SLC10A7: variants seen among roughly 807,000 people sequenced by gnomAD.
SLC10A7 encodes sodium/bile acid cotransporter 7.
In SLC10A7, 29 loss-of-function variants were observed where a neutral mutation model predicts 43.2. That is an observed-to-expected ratio of 0.67 (90% CI 0.50 to 0.92). The LOEUF is 0.92. SLC10A7 is among the 40% of genes least tolerant of loss of function. SLC10A7 has a pLI of 0.00. For synonymous variants in SLC10A7, 152 were observed against 144.8 expected (o/e 1.05, Z -0.35); for missense variants, 295 against 403.2 (o/e 0.73, Z 2.30).
intron 4 of SLC10A7, among the ~76,000 whole-genome samples, chr4:146,494,027 T>G (rs1735681633): frequency 6.6e-6 from 1 of 152,190 alleles, no homozygotes; most frequent in South Asian, 2.1e-4. Flanking sequence ...ACAGCAATAA[T>G]ATTGACTCAG....
chr4:146,263,007 C>T (rs961807881), intron 10 of SLC10A7, among the ~76,000 whole-genome samples: 7 of 152,354 alleles, frequency 4.6e-5, no homozygotes, highest in Non-Finnish European at 8.8e-5. Flanking sequence ...TTGACCTGGG[C>T]GCTCCAGCCA....
intron 7 of SLC10A7, among the ~76,000 whole-genome samples, chr4:146,305,411 T>C (rs1731487433): frequency 8.1e-6 from 1 of 122,756 alleles, no homozygotes; most frequent in South Asian, 2.7e-4. Flanking sequence ...AACATCACAC[T>C]CTGGGGACTG....
chr4:146,358,225 A>G (rs1365045467), intron 5 of SLC10A7, among the ~76,000 whole-genome samples: 1 of 152,156 alleles, frequency 6.6e-6, no homozygotes, highest in Non-Finnish European at 1.5e-5. Context: ...AAATAGTGCT[A>G]CAAGAATGGG....
At chr4:146,354,659 C>T (rs1428521910) in intron 5 of SLC10A7, among the ~76,000 whole-genome samples, 1 of 151,250 alleles carries the variant, frequency 6.6e-6, no homozygotes, top group Admixed American at 6.6e-5. Context: ...CTACAGTAAC[C>T]AAAACAGCAT....
chr4:146,442,932 C>T, intron 4 of SLC10A7, 111 bp from the exon 5 acceptor site: 1 of 779,088 alleles, frequency 1.3e-6, no homozygotes, highest in Non-Finnish European at 2.0e-6. Context: ...AAAACATTGA[C>T]TCTATAAAGC....
At chr4:146,426,876 A>G (rs1302283286) in intron 5 of SLC10A7, among the ~76,000 whole-genome samples, 1 of 152,254 alleles carries the variant, frequency 6.6e-6, no homozygotes, top group Non-Finnish European at 1.5e-5. Flanking sequence ...CTCCGTCTCA[A>G]AAAACAAACA....
At chr4:146,517,756 A>T (rs1418129116) in intron 1 of SLC10A7, among the ~76,000 whole-genome samples, 2 of 152,152 alleles carry the variant, frequency 1.3e-5, no homozygotes, top group Non-Finnish European at 2.9e-5. Context: ...TTATATAACA[A>T]TCAAAATACC....
chr4:146,447,738 T>C (rs1731230953), intron 4 of SLC10A7, among the ~76,000 whole-genome samples: 1 of 152,056 alleles, frequency 6.6e-6, no homozygotes, highest in Non-Finnish European at 1.5e-5. Flanking sequence ...TATTACACAT[T>C]TGTAGATAAT....
intron 6 of SLC10A7, among the ~76,000 whole-genome samples, chr4:146,321,584 C>G (rs1732711155): frequency 6.6e-6 from 1 of 152,072 alleles, no homozygotes; most frequent in Non-Finnish European, 1.5e-5. Context: ...AAACAGTACA[C>G]CTTTTATGGA....
intron 10 of SLC10A7, among the ~76,000 whole-genome samples, chr4:146,276,770 C>T (rs981149004): frequency 1.3e-5 from 2 of 151,804 alleles, no homozygotes; most frequent in African/African-American, 4.8e-5. Flanking sequence ...GGCAACATAA[C>T]GAAGCCCCCG....
chr4:146,270,242 C>G (rs1728811230), intron 10 of SLC10A7, among the ~76,000 whole-genome samples: 1 of 152,116 alleles, frequency 6.6e-6, no homozygotes, highest in Non-Finnish European at 1.5e-5. Context: ...GACTTCTAGG[C>G]AGAAGAAATT....
chr4:146,286,300 T>C (rs956526811), intron 9 of SLC10A7, among the ~76,000 whole-genome samples: 86 of 147,652 alleles, frequency 5.8e-4, no homozygotes, highest in East Asian at 2.1e-3. Flanking sequence ...AGGACTGAGT[T>C]TGGAGTGGTG....
intron 10 of SLC10A7, among the ~76,000 whole-genome samples, chr4:146,260,422 T>C (rs1221189567): frequency 6.6e-6 from 1 of 152,154 alleles, no homozygotes; most frequent in African/African-American, 2.4e-5. Flanking sequence ...TCATGATATT[T>C]TGTCCCTAAA....
chr4:146,295,698 G>C, intron 7 of SLC10A7, among the ~76,000 whole-genome samples: 1 of 151,956 alleles, frequency 6.6e-6, no homozygotes, highest in Non-Finnish European at 1.5e-5. Flanking sequence ...TCATTTAAAG[G>C]GTCATTTCAT....
chr4:146,449,085 G>A (rs1264162275), intron 4 of SLC10A7, among the ~76,000 whole-genome samples: 1 of 152,162 alleles, frequency 6.6e-6, no homozygotes, highest in African/African-American at 2.4e-5. Flanking sequence ...TGTTTAGTGA[G>A]AGGACAAATT....
At chr4:146,462,496 C>A (rs1052412212) in intron 4 of SLC10A7, among the ~76,000 whole-genome samples, 6 of 152,126 alleles carry the variant, frequency 3.9e-5, no homozygotes, top group Admixed American at 3.9e-4. Flanking sequence ...GAGCTCCCCC[C>A]AAACACTCTT....
At chr4:146,394,552 G>C (rs55844140) in intron 5 of SLC10A7, among the ~76,000 whole-genome samples, 35,962 of 151,988 alleles carry the variant, frequency 0.24, 4,663 homozygotes, top group African/African-American at 0.35. Flanking sequence ...AGTAGAGATG[G>C]GGTTTTGCCA....
At chr4:146,352,546 T>A (rs1185997656) in intron 5 of SLC10A7, among the ~76,000 whole-genome samples, 2 of 151,318 alleles carry the variant, frequency 1.3e-5, no homozygotes, top group African/African-American at 4.9e-5. Flanking sequence ...CTCATAGACA[T>A]CTACAGAACT....
intron 6 of SLC10A7, among the ~76,000 whole-genome samples, chr4:146,319,575 C>A (rs550241136): frequency 6.6e-6 from 1 of 152,138 alleles, no homozygotes; most frequent in African/African-American, 2.4e-5. Context: ...AAAGACACAT[C>A]TGTTTTACTT....
Sources: allele counts gnomAD v4.1 joint callset (sites outside exome capture counted in the v4.1 genomes callset), GRCh38; gene constraint gnomAD v4.1.1; transcripts MANE v1.5; gene names NCBI Gene and HGNC (gene_info 2026-07-23, HGNC 2026-07-21).